The following TTC27 variants were observed in gnomAD, a reference collection of about 807,000 sequenced individuals.
TTC27 encodes tetratricopeptide repeat domain 27.
In TTC27, 79 loss-of-function variants were observed where a neutral mutation model predicts 115.9. The ratio of observed to expected loss-of-function variants is 0.68; its 90% CI spans 0.57 to 0.82. The LOEUF (loss-of-function observed/expected upper bound fraction) is 0.82. Among genes scored for constraint, TTC27 ranks in the 40% least tolerant of loss-of-function variants. TTC27 has a pLI of 0.00. For missense variants in TTC27, 1,054 were observed against 993.1 expected, an observed-to-expected ratio of 1.06 and a Z score of -0.82; for synonymous variants, 401 against 356.0, an observed-to-expected ratio of 1.13 and a Z score of -1.42.
intron 13 of TTC27, among the ~76,000 whole-genome samples, chr2:32,762,982 G>A (rs1386486186): frequency 6.6e-6 from 1 of 152,192 alleles, no homozygotes; most frequent in African/African-American, 2.4e-5. Context: ...AGTGTGGGAG[G>A]GGCAATAGGA....
intron 12 of TTC27, among the ~76,000 whole-genome samples, chr2:32,741,727 T>C (rs1415892694): frequency 6.6e-6 from 1 of 152,150 alleles, no homozygotes; most frequent in Non-Finnish European, 1.5e-5. Flanking sequence ...TTTTGGCATG[T>C]AGCAAGAAGT....
intron 10 of TTC27, among the ~76,000 whole-genome samples, chr2:32,728,067 G>A (rs1396425373): frequency 7.7e-6 from 1 of 130,550 alleles, no homozygotes; most frequent in Non-Finnish European, 1.6e-5. Context: ...TTTGGAGACA[G>A]AGTCTCGCTG....
intron 12 of TTC27, among the ~76,000 whole-genome samples, chr2:32,753,429 CTTT>C (rs776515945): frequency 2.2e-4 from 16 of 72,880 alleles, no homozygotes; most frequent in African/African-American, 2.8e-4. Flanking sequence ...AATCAAATGC[CTTT>C]TTTTTTTTTT....
chr2:32,739,430 CT>C (rs930485933), intron 12 of TTC27, among the ~76,000 whole-genome samples: 1 of 152,128 alleles, frequency 6.6e-6, no homozygotes, highest in Non-Finnish European at 1.5e-5. Flanking sequence ...AATCCATCCC[CT>C]TCAGAGAAGG....
chr2:32,640,273 A>C lies in TTC27; in HGVS notation c.400A>C (p.Lys134Gln). The change falls in exon 4 of 20, where the codon AAA becomes CAA. Residue 134 changes from lysine to glutamine, a missense_variant. Physicochemically the swap from Lys to Gln is moderately conservative, Grantham distance 53. Coordinates refer to ENST00000317907, the MANE Select transcript of TTC27 (RefSeq NM_017735.5). ...TAGTTTATAATCCTTTTTTCAGGTT[A>C]AAGGACTGGATGCATTTGTTCTGAG... ...SVLFQQFSEV[K>Q]GLDAFVLSLL... 1 of 1,611,922 alleles carries C rather than the reference A, an allele frequency of 6.2e-7. No individual in the cohort carries two copies. Among genetic ancestry groups the C allele is most frequent in the Non-Finnish European group, 8.5e-7 (1 of 1,179,470 alleles).
intron 9 of TTC27, among the ~76,000 whole-genome samples, chr2:32,700,632 G>C (rs1005903387): frequency 2.0e-5 from 3 of 152,136 alleles, no homozygotes; most frequent in Non-Finnish European, 4.4e-5. Flanking sequence ...CCACCTCCCA[G>C]GTTCAAGCGA....
chr2:32,681,540 C>G (rs549236350), intron 9 of TTC27, among the ~76,000 whole-genome samples: 4 of 152,002 alleles, frequency 2.6e-5, no homozygotes, highest in African/African-American at 9.6e-5. Context: ...TTTGAATTTG[C>G]AATGGTGTGC....
At chr2:32,771,258 G>A (rs1001939876) in intron 13 of TTC27, among the ~76,000 whole-genome samples, 5 of 152,180 alleles carry the variant, frequency 3.3e-5, no homozygotes, top group Non-Finnish European at 7.3e-5. Context: ...CATATTTCCT[G>A]GCCCATAGTA....
At chr2:32,630,079 A>T (rs1034226794) in intron 1 of TTC27, among the ~76,000 whole-genome samples, 1 of 152,214 alleles carries the variant, frequency 6.6e-6, no homozygotes, top group Non-Finnish European at 1.5e-5. Flanking sequence ...TGGAGGCAGG[A>T]ATACGCATGG....
intron 10 of TTC27, among the ~76,000 whole-genome samples, chr2:32,708,464 A>G (rs777267895): frequency 3.6e-4 from 55 of 151,398 alleles, no homozygotes; most frequent in Non-Finnish European, 1.3e-4. Context: ...GGCGTGTGCC[A>G]CCACAACCAG....
intron 12 of TTC27, among the ~76,000 whole-genome samples, chr2:32,755,953 T>C (rs1345743904): frequency 1.3e-5 from 2 of 152,206 alleles, no homozygotes; most frequent in Non-Finnish European, 2.9e-5. Flanking sequence ...TTACTACACA[T>C]GATAACTTAA....
intron 10 of TTC27, among the ~76,000 whole-genome samples, chr2:32,725,842 T>C (rs930130381): frequency 6.6e-6 from 1 of 152,194 alleles, no homozygotes; most frequent in African/African-American, 2.4e-5. Flanking sequence ...CCTGGACACA[T>C]AGACATTTCC....
Position 32,640,357 on chromosome 2 carries a change from T to C in TTC27, c.484T>C (p.Leu162=), listed in dbSNP as rs192388720. 6 of 1,614,036 alleles carry C rather than the reference T, an allele frequency of 3.7e-6. 1 individual carries two copies. The East Asian group carries it at 1.3e-4, about 36-fold the overall frequency. ...YSLTSKPILL[L]LARIILVNVR... ...CCTGACCTCGAAGCCTATACTACTG[T>C]TATTAGCACGCATTATCCTAGTGAA... The change falls in exon 4 of 20, where the codon TTA becomes CTA. Residue 162 remains leucine, a synonymous_variant. Coordinates refer to ENST00000317907, the MANE Select transcript of TTC27 (RefSeq NM_017735.5).
chr2:32,641,943 C>T (rs1470756015), intron 4 of TTC27, among the ~76,000 whole-genome samples: 3 of 152,320 alleles, frequency 2.0e-5, no homozygotes, highest in Admixed American at 6.5e-5. Context: ...GCAAGCTCCA[C>T]CTCCTGGGTT....
At chr2:32,687,108 G>A (rs971896389) in intron 9 of TTC27, among the ~76,000 whole-genome samples, 5 of 152,022 alleles carry the variant, frequency 3.3e-5, no homozygotes, top group African/African-American at 9.7e-5. Context: ...GCCTCCCAAA[G>A]TCTGAGATTA....
intron 9 of TTC27, among the ~76,000 whole-genome samples, chr2:32,679,987 C>CACAAA (rs1052113695): frequency 2.6e-5 from 4 of 152,232 alleles, no homozygotes; most frequent in East Asian, 3.9e-4. Context: ...CCGCCTCAAA[C>CACAAA]ACAAAACAAA....
intron 9 of TTC27, among the ~76,000 whole-genome samples, chr2:32,691,143 A>G (rs1275056304): frequency 1.3e-5 from 2 of 152,152 alleles, no homozygotes; most frequent in Admixed American, 6.6e-5. Flanking sequence ...TTTGTTTTTA[A>G]TAGAAATGAC....
rs541401635 is a variant in TTC27, at chr2:32,760,069, T to G, written c.1680+1550T>G. 3.9e-5 allele frequency among the ~76,000 whole-genome samples: 6 copies of G among 152,300 alleles called. No individual in the cohort carries two copies. The South Asian group carries it at 1.2e-3, about 32-fold the overall frequency. On this transcript the variant is annotated intron_variant, in intron 13 of 19. Transcript: ENST00000317907. The stretch of plus-strand genomic sequence containing the variant: ...GCTGTGAACATGGGTGTGCAGAAAT[T>G]GTCATTTTTGAACTGGATAACTGAG...
chr2:32,686,631 A>C (rs1666639948), intron 9 of TTC27, among the ~76,000 whole-genome samples: 1 of 151,344 alleles, frequency 6.6e-6, no homozygotes, highest in South Asian at 2.1e-4. Flanking sequence ...AAAGTGCTGG[A>C]GTTACAGGCA....
Sources: gnomAD v4.1 joint callset for allele counts (sites outside exome capture counted in the v4.1 genomes callset) on GRCh38, gnomAD v4.1.1 for gene constraint, MANE v1.5 for transcripts, NCBI Gene and HGNC (gene_info 2026-07-23, HGNC 2026-07-21) for gene names.